The following THSD4 variants were observed in gnomAD, a reference collection of about 807,000 sequenced individuals.
THSD4 encodes the protein thrombospondin type 1 domain containing 4.
In THSD4, 69 loss-of-function variants were observed where a neutral mutation model predicts 119.0. The observed-to-expected ratio is 0.58, with a 90% CI of 0.48 to 0.71. The LOEUF (loss-of-function observed/expected upper bound fraction) is 0.71, where lower values mean the gene tolerates loss of function less well. Among genes scored for constraint, THSD4 ranks in the 30% least tolerant of loss-of-function variants. The pLI is 0.00. For synonymous variants in THSD4, 524 were observed against 540.4 expected (o/e 0.97, Z 0.42); for missense variants, 1,393 against 1,391.1 (o/e 1.00, Z -0.02).
chr15:71,206,100 T>TG (rs2140242665), intron 3 of THSD4, among the ~76,000 whole-genome samples: 1 of 152,224 alleles, frequency 6.6e-6, no homozygotes, highest in Admixed American at 6.5e-5. Context: ...AAAGTCTCCT[T>TG]CTTCAGGTTC....
At chr15:71,142,053 A>G (rs1028810919) in intron 2 of THSD4, among the ~76,000 whole-genome samples, 6 of 152,186 alleles carry the variant, frequency 3.9e-5, no homozygotes, top group Non-Finnish European at 8.8e-5. Flanking sequence ...ATCAATGTAT[A>G]TTTACCGTGG....
chr15:71,385,171 A>C (rs1293749756), intron 6 of THSD4, among the ~76,000 whole-genome samples: 1 of 152,178 alleles, frequency 6.6e-6, no homozygotes, highest in Non-Finnish European at 1.5e-5. Context: ...AACCCAATTC[A>C]GTTAAAAAAA....
intron 3 of THSD4, among the ~76,000 whole-genome samples, chr15:71,181,741 G>A (rs1236335728): frequency 6.6e-6 from 1 of 152,150 alleles, no homozygotes; most frequent in Non-Finnish European, 1.5e-5. Context: ...GAGGAGTCTT[G>A]GTCCTGGCCA....
At chr15:71,501,105 A>G (rs961664071) in intron 7 of THSD4, among the ~76,000 whole-genome samples, 5 of 152,224 alleles carry the variant, frequency 3.3e-5, no homozygotes, top group Admixed American at 1.3e-4. Flanking sequence ...GTTCTAATCC[A>G]TGAACATGAT....
rs554102875 is a variant in THSD4 at position 71,745,343 on chromosome 15, A to G, written c.2036+108A>G. On this transcript the variant is annotated intron_variant, in intron 12 of 17. Coordinates refer to ENST00000261862, the MANE Select transcript of THSD4 (RefSeq NM_024817.3). ...GTCAGTCTAAATCTGAGTTAGAAAT[A>G]CAAGACTTGGACCATGCATAAAATG... 373 of 1,424,620 alleles carry G rather than the reference A, an allele frequency of 2.6e-4. No individual in the cohort carries two copies. In the African/African-American group the frequency reaches 4.6e-3, roughly 18 times the overall value. The allele number at this position is 1,424,620 out of a possible 1,614,324, so 88.2% of individuals were successfully genotyped here. A position where few individuals can be genotyped will look rare whatever the true frequency, so the allele number is the denominator to read the frequency against.
chr15:71,569,801 C>G (rs2049315489), intron 7 of THSD4, among the ~76,000 whole-genome samples: 3 of 152,148 alleles, frequency 2.0e-5, no homozygotes. Context: ...GAAGACTAGC[C>G]TGACCAACAT....
intron 7 of THSD4, chr15:71,547,308 C>T (rs770580548): frequency 1.1e-5 from 16 of 1,522,634 alleles, no homozygotes; most frequent in East Asian, 5.0e-5. Context: ...CGGTGCCTAG[C>T]GGAACTCCAG....
chr15:71,672,716 A>G (rs2051558169), intron 8 of THSD4, among the ~76,000 whole-genome samples: 1 of 152,192 alleles, frequency 6.6e-6, no homozygotes, highest in Non-Finnish European at 1.5e-5. Flanking sequence ...GAATTTTGTC[A>G]AAGGCCTTTT....
chr15:71,442,660 GTATATATATATATATATATA>G lies in THSD4; in HGVS notation c.1152+30861_1152+30880del, dbSNP rs71154772. Among the ~76,000 whole-genome samples the G allele has an allele frequency of 3.1e-4, 8 of 25,828 alleles. 2 individuals carry two copies. Among genetic ancestry groups the G allele is most frequent in the African/African-American group, 8.6e-4 (8 of 9,270 alleles). The allele number at this position is 25,828 out of a possible 152,430, so 16.9% of individuals were successfully genotyped here. ...TGTGTGTATATGTGTGTGTGTGTGT[GTATATATATATATATATATA>G]TATATATATATATATATATATATGA... On this transcript the variant is annotated intron_variant, in intron 7 of 17. Transcript: ENST00000261862.
chr15:71,357,003 G>A (rs1188198546), intron 6 of THSD4, among the ~76,000 whole-genome samples: 1 of 152,210 alleles, frequency 6.6e-6, no homozygotes, highest in Non-Finnish European at 1.5e-5. Flanking sequence ...CATTGGCCTT[G>A]TGGATTTGGG....
chr15:71,531,259 G>A (rs1009818108), intron 7 of THSD4, among the ~76,000 whole-genome samples: 2 of 152,100 alleles, frequency 1.3e-5, no homozygotes, highest in African/African-American at 4.8e-5. Context: ...CATCCTACAG[G>A]CAATAGGAAA....
rs550640569 is a variant in THSD4 at position 71,283,905 on chromosome 15, G to T, written c.1015+27190G>T. Among the ~76,000 whole-genome samples the T allele has an allele frequency of 7.7e-4, 117 of 152,312 alleles. 1 individual carries two copies. In the Middle Eastern group the frequency reaches 0.014, roughly 18 times the overall value. On this transcript the variant is annotated intron_variant, in intron 6 of 17. Transcript: ENST00000261862. Reference sequence around the variant, plus strand: ...AGGGATGGTAAATGGAGACTCTGGTGGGGGAGGGAAAGAGCTAGCCCTTTG... The same window carrying T: ...AGGGATGGTAAATGGAGACTCTGGTTGGGGAGGGAAAGAGCTAGCCCTTTG...
At chr15:71,724,477 G>A (rs371143403) in intron 8 of THSD4, among the ~76,000 whole-genome samples, 163 of 151,164 alleles carry the variant, frequency 1.1e-3, no homozygotes, top group African/African-American at 3.9e-3. Flanking sequence ...AGTAGAGACG[G>A]GGTTTCACCA....
chr15:71,140,015 G>A (rs1323194647), intron 1 of THSD4, among the ~76,000 whole-genome samples: 4 of 152,352 alleles, frequency 2.6e-5, no homozygotes, highest in Non-Finnish European at 5.9e-5. Flanking sequence ...TGGCTCACTT[G>A]ACAATTTTTA....
intron 6 of THSD4, among the ~76,000 whole-genome samples, chr15:71,409,663 G>A (rs75026335): frequency 6.6e-6 from 1 of 152,168 alleles, no homozygotes; most frequent in Non-Finnish European, 1.5e-5. Context: ...CCTGAACCAT[G>A]TGGTCCCAGA....
rs183485937 is a variant in THSD4 at position 71,296,961 on chromosome 15, A to G, written c.1015+40246A>G. Among the ~76,000 whole-genome samples, 4 of 152,264 alleles carry G rather than the reference A, an allele frequency of 2.6e-5. No homozygotes were observed. In the East Asian group the frequency reaches 7.7e-4, roughly 29 times the overall value. On this transcript the variant is annotated intron_variant, in intron 6 of 17. Coordinates refer to ENST00000261862, the MANE Select transcript of THSD4 (RefSeq NM_024817.3). ...GAGATAACCTGTGAAATGCTACTGT[A>G]ATGGACCTCAGTGCTCTTTTCTTTC...
chr15:71,113,646 A>G (rs1403118961), upstream of THSD4: 1 of 152,136 alleles, frequency 6.6e-6, no homozygotes, highest in African/African-American at 2.4e-5. Flanking sequence ...ACCTACTGGT[A>G]TGGTTTTCTG....
intron 7 of THSD4, among the ~76,000 whole-genome samples, chr15:71,421,840 G>T (rs900293274): frequency 6.6e-6 from 1 of 152,130 alleles, no homozygotes; most frequent in East Asian, 1.9e-4. Context: ...GATTTTGTAG[G>T]CATGCCTTAT....
At chr15:71,342,608 G>C (rs1257729637) in intron 6 of THSD4, 1 of 152,292 alleles carries the variant, frequency 6.6e-6, no homozygotes, top group Non-Finnish European at 1.5e-5. Context: ...TGCAGTGGCT[G>C]CACAGTGGCC....
Sources: gnomAD v4.1 joint callset for allele counts (sites outside exome capture counted in the v4.1 genomes callset) on GRCh38, gnomAD v4.1.1 for gene constraint, MANE v1.5 for transcripts, NCBI Gene and HGNC (gene_info 2026-07-23, HGNC 2026-07-21) for gene names.